Variants in KTN1 observed in about 807,000 individuals in gnomAD.
KTN1 encodes kinectin.
A neutral mutation model predicts 222.5 loss-of-function variants in KTN1; 130 were observed. That is an observed-to-expected ratio of 0.58 (90% confidence interval 0.51 to 0.68). The LOEUF (loss-of-function observed/expected upper bound fraction) is 0.68, where lower values mean the gene tolerates loss of function less well. KTN1 is among the 30% of genes least tolerant of loss of function. The pLI is 0.00. For missense variants in KTN1, 1,508 were observed against 1,500.4 expected (o/e 1.01, Z -0.08); for synonymous variants, 512 against 496.3 (o/e 1.03, Z -0.42).
chr14:55,656,324 T>C (rs897437934), intron 29 of KTN1, 192 bp downstream of exon 29: 1 of 511,654 alleles, frequency 2.0e-6, no homozygotes, highest in African/African-American at 2.0e-5. Flanking sequence ...GTATACTTGT[T>C]TATTAAATAC....
rs74598274 is a variant in KTN1 at position 55,661,665 on chromosome 14, A to C, written c.3090+53A>C. 7.7e-3 allele frequency: 6,950 copies of C among 901,584 alleles called. 82 individuals carry two copies. The highest frequency in any genetic ancestry group is 0.038 in the African/African-American group (2,243 of 59,226). The allele number at this position is 901,584 out of a possible 1,614,324, so 55.8% of individuals were successfully genotyped here. A position where few individuals can be genotyped will look rare whatever the true frequency, so the allele number is the denominator to read the frequency against. ...TTTTCTTTTTATTACTTTAACACTG[A>C]AATATGGTTCAGGAATTTTTTTTAA... On this transcript the variant is annotated intron_variant, in intron 32 of 43. Coordinates refer to ENST00000395314, the MANE Select transcript of KTN1 (RefSeq NM_001079521.2).
At chr14:55,669,563 T>C (rs1173181473) in intron 34 of KTN1, among the ~76,000 whole-genome samples, 2 of 152,006 alleles carry the variant, frequency 1.3e-5, no homozygotes, top group Admixed American at 1.3e-4. Context: ...TTCCTCTTGC[T>C]GTTTTGCTGA....
intron 37 of KTN1, chr14:55,672,101 A>G (rs911090331): frequency 1.1e-5 from 5 of 463,592 alleles, no homozygotes; most frequent in African/African-American, 2.0e-5. Flanking sequence ...AAGGGTAATC[A>G]TATAGAATGT....
chr14:55,609,435 A>G (rs2037221814), intron 1 of KTN1, among the ~76,000 whole-genome samples: 1 of 152,202 alleles, frequency 6.6e-6, no homozygotes, highest in African/African-American at 2.4e-5. Flanking sequence ...GCTCAAGTGA[A>G]GGTGAATTGA....
intron 43 of KTN1, chr14:55,682,080 C>T (rs913810041): frequency 2.0e-5 from 3 of 152,050 alleles, no homozygotes; most frequent in Non-Finnish European, 2.9e-5. Flanking sequence ...TAATGCTGCA[C>T]ATATTCAATA....
rs1566799063 is a variant in KTN1 at position 55,650,559 on chromosome 14, C to G, written c.2497-10C>G. 6.2e-7 allele frequency: 1 copy of G among 1,604,958 alleles called. No homozygotes were observed. Among genetic ancestry groups the G allele is most frequent in the Non-Finnish European group, 8.5e-7 (1 of 1,172,710 alleles). Reference sequence around the variant, plus strand: ...CATTGTCCAATCTTGTCTGTTTTGTCATTGTCAAGGATTTGAAACAGGAAA... The same window carrying G: ...CATTGTCCAATCTTGTCTGTTTTGTGATTGTCAAGGATTTGAAACAGGAAA... On this transcript the variant is annotated splice_polypyrimidine_tract_variant and intron_variant, in intron 23 of 43. Coordinates refer to ENST00000395314, the MANE Select transcript of KTN1 (RefSeq NM_001079521.2).
intron 10 of KTN1, 139 bp downstream of exon 10, chr14:55,636,675 T>C (rs1594999505): frequency 1.7e-6 from 1 of 602,484 alleles, no homozygotes; most frequent in Non-Finnish European, 2.9e-6. Flanking sequence ...TCAGAATATC[T>C]TTCTTTCTTT....
intron 1 of KTN1, among the ~76,000 whole-genome samples, chr14:55,594,765 A>C (rs1336979361): frequency 6.6e-6 from 1 of 152,360 alleles, no homozygotes; most frequent in South Asian, 2.1e-4. Context: ...GTGTAGGTAT[A>C]AACAAGTTGA....
intron 1 of KTN1, among the ~76,000 whole-genome samples, chr14:55,602,773 G>A (rs1234111305): frequency 1.3e-5 from 2 of 152,078 alleles, no homozygotes; most frequent in Non-Finnish European, 2.9e-5. Flanking sequence ...TAGAGACAGG[G>A]TTCTGCTATG....
intron 41 of KTN1, among the ~76,000 whole-genome samples, chr14:55,676,702 T>C (rs1216193156): frequency 6.6e-6 from 1 of 152,224 alleles, no homozygotes; most frequent in Non-Finnish European, 1.5e-5. Flanking sequence ...TATTTGATAT[T>C]CTAATAGATT....
In KTN1 at chr14:55,637,449, A is replaced by G. The variant is rs534225298; in HGVS notation, c.1716+85A>G. 5 of 915,774 alleles carry G rather than the reference A, an allele frequency of 5.5e-6. No homozygotes were observed. The East Asian group carries it at 1.1e-4, about 20-fold the overall frequency. The allele number at this position is 915,774 out of a possible 1,614,324, so 56.7% of individuals were successfully genotyped here. A position where few individuals can be genotyped will look rare whatever the true frequency, so the allele number is the denominator to read the frequency against. ...GTGTCTAGAAGAGAGACTAAAGTCT[A>G]CCTTATCCTAATTCTGAAATGATGA... On this transcript the variant is annotated intron_variant, in intron 11 of 43. Coordinates refer to ENST00000395314, the MANE Select transcript of KTN1 (RefSeq NM_001079521.2).
chr14:55,605,619 A>T (rs535797815), intron 1 of KTN1, among the ~76,000 whole-genome samples: 6 of 152,340 alleles, frequency 3.9e-5, no homozygotes, highest in Admixed American at 3.3e-4. Context: ...TCATGGATAA[A>T]AATTTTTAAG....
At chr14:55,665,114 G>T (rs1372855805) in intron 33 of KTN1, among the ~76,000 whole-genome samples, 1 of 151,884 alleles carries the variant, frequency 6.6e-6, no homozygotes, top group Non-Finnish European at 1.5e-5. Context: ...ATTCGAGATA[G>T]CTGAGAGGTA....
rs571435901 is a variant in KTN1 at position 55,683,973 on chromosome 14, G to C, written c.4070-126G>C. The C allele has an allele frequency of 1.5e-4, 91 of 619,970 alleles. No individual in the cohort carries two copies. In the South Asian group the frequency reaches 2.7e-3, roughly 19 times the overall value. The allele number at this position is 619,970 out of a possible 1,614,324, so 38.4% of individuals were successfully genotyped here. A position where few individuals can be genotyped will look rare whatever the true frequency, so the allele number is the denominator to read the frequency against. On this transcript the variant is annotated intron_variant, in intron 43 of 43. Coordinates refer to ENST00000395314, the MANE Select transcript of KTN1 (RefSeq NM_001079521.2). The stretch of plus-strand genomic sequence containing the variant: ...GATTACCATTAGTGTGAATTGCTTT[G>C]AGTCTATTTGAAAGGGCCATGCTAG...
At chr14:55,677,060 A>G (rs2045940213) in intron 41 of KTN1, among the ~76,000 whole-genome samples, 1 of 152,246 alleles carries the variant, frequency 6.6e-6, no homozygotes, top group African/African-American at 2.4e-5. Flanking sequence ...TATAATAGAT[A>G]TACCATCTTA....
intron 9 of KTN1, among the ~76,000 whole-genome samples, chr14:55,635,438 A>G (rs1236590659): frequency 6.6e-6 from 1 of 152,196 alleles, no homozygotes; most frequent in Non-Finnish European, 1.5e-5. Flanking sequence ...GCACTGGAAT[A>G]GGTAGTTTTT....
intron 12 of KTN1, 135 bp downstream of exon 12, chr14:55,637,982 G>A (rs1256408409): frequency 1.6e-6 from 1 of 623,394 alleles, no homozygotes; most frequent in African/African-American, 1.8e-5. Flanking sequence ...ATGATCCTGA[G>A]TGCTAAACAC....
intron 1 of KTN1, among the ~76,000 whole-genome samples, chr14:55,608,035 A>G (rs1230547107): frequency 3.3e-5 from 5 of 152,248 alleles, no homozygotes; most frequent in Admixed American, 2.0e-4. Context: ...AACTCAACAA[A>G]CATGTATTGA....
At chr14:55,640,716 A>T (rs2140999764) in intron 15 of KTN1, among the ~76,000 whole-genome samples, 1 of 152,070 alleles carries the variant, frequency 6.6e-6, no homozygotes, top group Non-Finnish European at 1.5e-5. Flanking sequence ...TTCAAAAAGG[A>T]TATACCTTTT....
Sources: gnomAD v4.1 joint callset for allele counts (sites outside exome capture counted in the v4.1 genomes callset) on GRCh38, gnomAD v4.1.1 for gene constraint, MANE v1.5 for transcripts, NCBI Gene and HGNC (gene_info 2026-07-23, HGNC 2026-07-21) for gene names.